The following IQSEC1 variants were observed in gnomAD, a reference collection of about 807,000 sequenced individuals.
The protein encoded by IQSEC1 is IQ motif and Sec7 domain ArfGEF 1.
In IQSEC1, 31 loss-of-function variants were observed where a neutral mutation model predicts 91.0. The ratio of observed to expected loss-of-function variants is 0.34; its 90% CI spans 0.26 to 0.46. The LOEUF is 0.46. IQSEC1 is among the 20% of genes least tolerant of loss of function. IQSEC1 has a pLI of 1.00. For missense variants in IQSEC1, 1,388 were observed against 1,575.6 expected, an observed-to-expected ratio of 0.88 and a Z score of 2.02; for synonymous variants, 699 against 662.6, an observed-to-expected ratio of 1.05 and a Z score of -0.84.
At position 13,017,763 on chromosome 3, in the gene IQSEC1, G is replaced by A. The variant is rs1703207321; in HGVS notation, c.23+55229C>T. ...GAGGAGAGGGAGGTGAGGCTGGCAG[G>A]GCTGAGGCAATGGTGAGGCCCACGG... is the stretch of plus-strand genomic sequence containing the variant. On this transcript the variant is annotated intron_variant, in intron 1 of 13. Transcript: ENST00000613206. Among the ~76,000 whole-genome samples the A allele has an allele frequency of 2.0e-5, 3 of 152,146 alleles. No individual in the cohort carries two copies. The South Asian group carries it at 6.2e-4, about 32-fold the overall frequency.
chr3:13,208,122 T>C (rs557838610), intron 1 of IQSEC1, among the ~76,000 whole-genome samples: 1 of 150,662 alleles, frequency 6.6e-6, no homozygotes, highest in East Asian at 1.9e-4. Flanking sequence ...GGTGGGTGGG[T>C]GGCCAGACAG....
At chr3:13,099,573 G>T (rs1245676172) in intron 2 of IQSEC1, among the ~76,000 whole-genome samples, 1 of 152,120 alleles carries the variant, frequency 6.6e-6, no homozygotes. Flanking sequence ...CCATGGAAAC[G>T]CAAGCCAGAG....
intron 1 of IQSEC1, among the ~76,000 whole-genome samples, chr3:13,066,550 A>G (rs963519780): frequency 6.6e-6 from 1 of 152,240 alleles, no homozygotes; most frequent in Admixed American, 6.5e-5. Flanking sequence ...CAGCATGGGC[A>G]AGAGTGTGGC....
At chr3:13,037,436 T>C (rs895572477) in intron 1 of IQSEC1, among the ~76,000 whole-genome samples, 2 of 152,184 alleles carry the variant, frequency 1.3e-5, no homozygotes, top group Non-Finnish European at 2.9e-5. Context: ...GGCATGGCTA[T>C]ACCATGAAAT....
At chr3:13,027,338 C>T (rs1158730586) in intron 1 of IQSEC1, among the ~76,000 whole-genome samples, 1 of 152,136 alleles carries the variant, frequency 6.6e-6, no homozygotes, top group African/African-American at 2.4e-5. Context: ...CACTTCAGGG[C>T]AGGAGCTGGG....
At chr3:12,950,264 T>G (rs1699452762) in intron 1 of IQSEC1, among the ~76,000 whole-genome samples, 1 of 152,132 alleles carries the variant, frequency 6.6e-6, no homozygotes. Context: ...TCCTTCCCAT[T>G]CTGGAATGTT....
chr3:13,191,636 C>T lies in IQSEC1; in HGVS notation c.273-27503G>A, dbSNP rs372087081. On this transcript the variant is annotated intron_variant, in intron 1 of 15. Coordinates refer to the IQSEC1 transcript ENST00000648114. ...ACAGGCAATTACAGTTTGCATGTGGCCCAAAACTGGTTTTTTATCTTTTTA... is the reference window on the plus strand; with the variant it reads ...ACAGGCAATTACAGTTTGCATGTGGTCCAAAACTGGTTTTTTATCTTTTTA... 3.9e-5 allele frequency among the ~76,000 whole-genome samples: 6 copies of T among 152,194 alleles called. No individual in the cohort carries two copies. The South Asian group carries it at 1.2e-3, about 32-fold the overall frequency.
At chr3:13,075,011 C>A (rs959425228), upstream of IQSEC1, among the ~76,000 whole-genome samples, 5 of 152,142 alleles carry the variant, frequency 3.3e-5, no homozygotes, top group Non-Finnish European at 5.9e-5. Context: ...GGTGAGGCAT[C>A]GAACAGAACT....
At chr3:12,972,908 A>T (rs1364490917) in intron 1 of IQSEC1, among the ~76,000 whole-genome samples, 4 of 152,232 alleles carry the variant, frequency 2.6e-5, no homozygotes, top group Non-Finnish European at 4.4e-5. Flanking sequence ...CATGGAACAC[A>T]GCACTCTATA....
intron 12 of IQSEC1, among the ~76,000 whole-genome samples, chr3:12,907,551 G>T (rs1695116774): frequency 6.6e-6 from 1 of 152,182 alleles, no homozygotes; most frequent in Non-Finnish European, 1.5e-5. Context: ...TACACTCCTT[G>T]AGCAGCAACA....
chr3:13,096,713 C>G (rs1422541833), intron 2 of IQSEC1, among the ~76,000 whole-genome samples: 1 of 152,178 alleles, frequency 6.6e-6, no homozygotes, highest in African/African-American at 2.4e-5. Context: ...AGCCACTTGG[C>G]TACATACCCA....
At chr3:13,057,911 G>A (rs1470831116) in intron 1 of IQSEC1, among the ~76,000 whole-genome samples, 1 of 152,196 alleles carries the variant, frequency 6.6e-6, no homozygotes, top group Non-Finnish European at 1.5e-5. Context: ...TGCAGCTCAG[G>A]GCCAGGAACC....
chr3:13,210,429 G>C (rs182370666), intron 1 of IQSEC1, among the ~76,000 whole-genome samples: 6 of 152,104 alleles, frequency 3.9e-5, no homozygotes, highest in Admixed American at 2.0e-4. Flanking sequence ...GAAGGGAACC[G>C]CAATCTCCAA....
Position 12,909,501 on chromosome 3 carries a change from G to C in IQSEC1, c.2417-67C>G, listed in dbSNP as rs1695360116. 1 of 1,486,824 alleles carries C rather than the reference G, an allele frequency of 6.7e-7. No homozygotes were observed. Among genetic ancestry groups the C allele is most frequent in the Non-Finnish European group, 9.3e-7 (1 of 1,080,686 alleles). 92.1% of individuals were successfully genotyped at this position (1,486,824 alleles called of 1,614,324 possible). On this transcript the variant is annotated intron_variant, in intron 10 of 13. Coordinates refer to ENST00000613206, the MANE Select transcript of IQSEC1 (RefSeq NM_001134382.3). This position sits in a 1 kb window ranked among gnomAD's most constrained non-coding sequence, Gnocchi z 4.9. ...GTGTGTTCTCTGCAATCTCCTCTCT[G>C]GTCAGGAAACAATGGTAGGGCTGAG...
chr3:13,059,639 T>C (rs1704996579), intron 1 of IQSEC1, among the ~76,000 whole-genome samples: 1 of 152,056 alleles, frequency 6.6e-6, no homozygotes, highest in African/African-American at 2.4e-5. Context: ...GTAGTCCAAC[T>C]ACTTGGGAGG....
At chr3:13,179,563 A>G (rs1160165504) in intron 1 of IQSEC1, among the ~76,000 whole-genome samples, 1 of 152,262 alleles carries the variant, frequency 6.6e-6, no homozygotes, top group African/African-American at 2.4e-5. Flanking sequence ...CACTTAACAG[A>G]GCTTCAAAAT....
At chr3:13,231,403 C>CAACCTGTGG (rs1694836941) in intron 1 of IQSEC1, among the ~76,000 whole-genome samples, 1 of 152,142 alleles carries the variant, frequency 6.6e-6, no homozygotes, top group East Asian at 1.9e-4. Context: ...GTTGGGAAGT[C>CAACCTGTGG]CAGATCAGGG....
chr3:12,967,366 C>A lies in IQSEC1; in HGVS notation c.24-25501G>T. 6.5e-7 allele frequency: 1 copy of A among 1,529,016 alleles called. No homozygotes were observed. The highest frequency in any genetic ancestry group is 8.8e-7 in the Non-Finnish European group (1 of 1,141,354). The allele number at this position is 1,529,016 out of a possible 1,614,324, so 94.7% of individuals were successfully genotyped here. The stretch of plus-strand genomic sequence containing the variant: ...CCGCTCAGCACCCGGGAAGGCCGCT[C>A]GCCCCGCGCCGCGCCCTCACCCGCT... On this transcript the variant is annotated intron_variant, in intron 1 of 13. Transcript: ENST00000613206. The surrounding 1 kb of genome is among the most constrained non-coding windows in gnomAD (Gnocchi z 5.9).
chr3:13,009,296 G>A (rs1400810891), intron 1 of IQSEC1, among the ~76,000 whole-genome samples: 3 of 152,314 alleles, frequency 2.0e-5, no homozygotes, highest in African/African-American at 2.4e-5. Context: ...ATGTGGTGGC[G>A]GTGAAGCTAA....
Sources: gnomAD v4.1 joint callset for allele counts (sites outside exome capture counted in the v4.1 genomes callset) on GRCh38, gnomAD v4.1.1 for gene constraint, Gnocchi (gnomAD v3.1) non-coding constraint, MANE v1.5 for transcripts, NCBI Gene and HGNC (gene_info 2026-07-23, HGNC 2026-07-21) for gene names.